The following CHCHD3 variants were observed in gnomAD, a reference collection of about 807,000 sequenced individuals.
CHCHD3 encodes coiled-coil-helix-coiled-coil-helix domain containing 3.
A neutral mutation model predicts 38.2 loss-of-function variants in CHCHD3; 20 were observed. The observed-to-expected ratio is 0.52, with a 90% CI of 0.37 to 0.76. The LOEUF is 0.76. Ranked by LOEUF, CHCHD3 falls within the 30% of genes least tolerant of loss-of-function variation. The pLI is 0.00. For missense variants in CHCHD3, 245 were observed against 279.2 expected (o/e 0.88, Z 0.87); for synonymous variants, 82 against 100.0 (o/e 0.82, Z 1.07).
chr7:132,819,449 T>C (rs1003515882), intron 6 of CHCHD3, among the ~76,000 whole-genome samples: 1 of 152,322 alleles, frequency 6.6e-6, no homozygotes, highest in African/African-American at 2.4e-5. Context: ...TAGTCTTCCA[T>C]TCTGAACTGC....
At position 132,898,344 on chromosome 7, in the gene CHCHD3, G is replaced by A. The variant is rs190141590; in HGVS notation, c.370-12599C>T. ...GTTTTGACAGGGCGCTGATTGGTGC[G>A]TTTACAATCCCTGAGCTAGACACAA... On this transcript the variant is annotated intron_variant, in intron 4 of 7. Coordinates refer to ENST00000262570, the MANE Select transcript of CHCHD3 (RefSeq NM_017812.4). Among the ~76,000 whole-genome samples, 1,098 of 152,272 alleles carry A rather than the reference G, an allele frequency of 7.2e-3. 16 individuals are homozygous for A. The highest frequency in any genetic ancestry group is 8.4e-3 in the Admixed American group (129 of 15,308).
Position 133,081,892 on chromosome 7 carries a change from C to G in CHCHD3, c.46G>C (p.Glu16Gln). The change falls in exon 1 of 8, where the codon GAG (glutamate) becomes CAG (glutamine). Residue 16 changes from glutamate (E) to glutamine (Q), a missense_variant. Coordinates refer to ENST00000262570, the MANE Select transcript of CHCHD3 (RefSeq NM_017812.4). ...TTCACCACGGTGATGTTCTCATTCT[C>G]GTCCGCCTCGAAGGTGACCCGGCGG... Reference protein sequence around the residue: ...STRRVTFEADENENITVVKGI... With the variant: ...STRRVTFEADQNENITVVKGI... The G allele has an allele frequency of 6.4e-7, 1 of 1,559,342 alleles. No individual in the cohort carries two copies. The highest frequency in any genetic ancestry group is 1.2e-5 in the South Asian group (1 of 84,588).
chr7:133,061,556 G>A (rs1054772643), intron 2 of CHCHD3, among the ~76,000 whole-genome samples: 14 of 152,014 alleles, frequency 9.2e-5, no homozygotes, highest in African/African-American at 3.1e-4. Flanking sequence ...AGCTGACAAA[G>A]GAAAGAAGTC....
intron 4 of CHCHD3, among the ~76,000 whole-genome samples, chr7:132,944,551 A>G (rs751165863): frequency 6.6e-6 from 1 of 152,038 alleles, no homozygotes; most frequent in Non-Finnish European, 1.5e-5. Flanking sequence ...ACATTGCTAT[A>G]ATAGAAATAT....
At chr7:132,860,690 A>G (rs1808467856) in intron 5 of CHCHD3, among the ~76,000 whole-genome samples, 1 of 151,846 alleles carries the variant, frequency 6.6e-6, no homozygotes, top group Non-Finnish European at 1.5e-5. Context: ...GCAGTGACGC[A>G]ATCTCAGCTC....
chr7:133,059,549 T>G (rs1303027413), intron 2 of CHCHD3, among the ~76,000 whole-genome samples: 1 of 152,134 alleles, frequency 6.6e-6, no homozygotes, highest in Non-Finnish European at 1.5e-5. Flanking sequence ...AATTAGTAAC[T>G]AGGAGGAGGA....
At chr7:132,820,316 A>C (rs926440775) in intron 6 of CHCHD3, among the ~76,000 whole-genome samples, 4 of 152,214 alleles carry the variant, frequency 2.6e-5, no homozygotes, top group African/African-American at 9.6e-5. Flanking sequence ...TAATGAGCAA[A>C]GGTTGTAAGT....
intron 2 of CHCHD3, among the ~76,000 whole-genome samples, chr7:133,064,627 G>A (rs550306729): frequency 6.6e-6 from 1 of 152,310 alleles, no homozygotes; most frequent in South Asian, 2.1e-4. Context: ...TTTAGGCTGT[G>A]TTATTTCCTG....
intron 3 of CHCHD3, among the ~76,000 whole-genome samples, chr7:132,978,994 A>T (rs1356848718): frequency 6.6e-6 from 1 of 152,208 alleles, no homozygotes; most frequent in East Asian, 1.9e-4. Flanking sequence ...ATTTTTTGTC[A>T]TCAGGGAGTT....
intron 2 of CHCHD3, among the ~76,000 whole-genome samples, chr7:133,036,938 A>G (rs1034595041): frequency 1.3e-5 from 2 of 152,210 alleles, no homozygotes; most frequent in African/African-American, 4.8e-5. Flanking sequence ...AGAAAAGATT[A>G]TGTAACAAGA....
intron 2 of CHCHD3, among the ~76,000 whole-genome samples, chr7:133,067,831 G>C (rs756681465): frequency 9.2e-5 from 14 of 152,058 alleles, no homozygotes; most frequent in Non-Finnish European, 1.9e-4. Flanking sequence ...AAAATACCTG[G>C]CTTGGCCGGG....
intron 6 of CHCHD3, among the ~76,000 whole-genome samples, chr7:132,820,044 A>C (rs1205713346): frequency 1.3e-5 from 2 of 152,222 alleles, no homozygotes; most frequent in African/African-American, 2.4e-5. Flanking sequence ...AATGTCGATT[A>C]TTTAACTTTG....
intron 6 of CHCHD3, among the ~76,000 whole-genome samples, chr7:132,803,786 G>A (rs1267257606): frequency 6.7e-6 from 1 of 148,418 alleles, no homozygotes; most frequent in Non-Finnish European, 1.5e-5. Context: ...CTTCCCGGTG[G>A]TGGGTTGCTG....
intron 5 of CHCHD3, chr7:132,845,027 T>C (rs1416971087): frequency 6.6e-6 from 1 of 152,210 alleles, no homozygotes; most frequent in Non-Finnish European, 1.5e-5. Context: ...CCTATGCATA[T>C]GTCGTCCACA....
intron 5 of CHCHD3, among the ~76,000 whole-genome samples, chr7:132,855,693 T>C (rs1808329201): frequency 6.6e-6 from 1 of 152,124 alleles, no homozygotes; most frequent in Admixed American, 6.6e-5. Flanking sequence ...GTGTATTTTA[T>C]ATGCTACCAA....
At chr7:133,025,522 T>C (rs569100816) in intron 2 of CHCHD3, among the ~76,000 whole-genome samples, 3 of 152,196 alleles carry the variant, frequency 2.0e-5, no homozygotes, top group Non-Finnish European at 4.4e-5. Flanking sequence ...GTTTGTTTGT[T>C]GAGACAGAGT....
At chr7:132,795,673 A>C (rs767672278) in intron 7 of CHCHD3, among the ~76,000 whole-genome samples, 2 of 152,222 alleles carry the variant, frequency 1.3e-5, no homozygotes, top group Non-Finnish European at 2.9e-5. Flanking sequence ...GGTCAAATCT[A>C]TGGAGTTTGT....
chr7:133,052,282 T>A (rs1814192041), intron 2 of CHCHD3, among the ~76,000 whole-genome samples: 1 of 152,138 alleles, frequency 6.6e-6, no homozygotes, highest in African/African-American at 2.4e-5. Flanking sequence ...AGCATCAAAG[T>A]ATTTCCATGT....
At chr7:133,011,449 T>C (rs1812871283) in intron 3 of CHCHD3, among the ~76,000 whole-genome samples, 1 of 152,210 alleles carries the variant, frequency 6.6e-6, no homozygotes, top group East Asian at 1.9e-4. Context: ...CTCGGAGCTA[T>C]ATCAACATTT....
Sources: gnomAD v4.1 joint callset for allele counts (sites outside exome capture counted in the v4.1 genomes callset) on GRCh38, gnomAD v4.1.1 for gene constraint, MANE v1.5 for transcripts, NCBI Gene and HGNC (gene_info 2026-07-23, HGNC 2026-07-21) for gene names.